The following ROBO1 variants were observed in gnomAD, a reference collection of about 807,000 sequenced individuals.
ROBO1 encodes roundabout guidance receptor 1.
In ROBO1, 149 loss-of-function variants were observed where a neutral mutation model predicts 195.9. The observed-to-expected ratio is 0.76, with a 90% CI of 0.67 to 0.87. The LOEUF (loss-of-function observed/expected upper bound fraction) is 0.87. ROBO1 is among the 40% of genes least tolerant of loss of function. The probability of loss-of-function intolerance (pLI) is 0.00; values close to 1 mark genes in which losing one functional copy is unlikely to be tolerated. For missense variants in ROBO1, 1,933 were observed against 2,068.3 expected, an observed-to-expected ratio of 0.93 and a Z score of 1.27; for synonymous variants, 816 against 733.2, an observed-to-expected ratio of 1.11 and a Z score of -1.82.
intron 2 of ROBO1, among the ~76,000 whole-genome samples, chr3:79,300,156 G>T (rs1006122515): frequency 9.2e-5 from 14 of 152,208 alleles, no homozygotes; most frequent in African/African-American, 3.4e-4. Flanking sequence ...CTGCAGTGTG[G>T]GAGCCCCTTC....
At chr3:79,100,006 A>C (rs2079646378) in intron 3 of ROBO1, among the ~76,000 whole-genome samples, 1 of 151,782 alleles carries the variant, frequency 6.6e-6, no homozygotes, top group Admixed American at 6.6e-5. Flanking sequence ...TATGAAGTCC[A>C]GGGTTAGCGG....
At position 79,351,260 on chromosome 3, in the gene ROBO1, T is replaced by C. The variant is rs2035330722; in HGVS notation, c.89-225721A>G. Among the ~76,000 whole-genome samples, 3 of 152,220 alleles carry C rather than the reference T, an allele frequency of 2.0e-5. No individual in the cohort carries two copies. In the South Asian group the frequency reaches 6.2e-4, roughly 31 times the overall value. On this transcript the variant is annotated intron_variant, in intron 2 of 30. Transcript: ENST00000464233. ...ATATATTATCTGACTTGGTCACAGA[T>C]AATCATGAGCAAAATAAACAACTTA...
rs1211120531 is a variant in ROBO1 at position 79,143,201 on chromosome 3, C to A, written c.89-17662G>T. On this transcript the variant is annotated intron_variant, in intron 2 of 30. Transcript: ENST00000464233. ...TGTTAAACCTTTATTTTTGGAATGG[C>A]TATTTGGGTGCTTAAATATGATTCT... 5.3e-5 allele frequency among the ~76,000 whole-genome samples: 8 copies of A among 152,096 alleles called. No homozygotes were observed. The East Asian group carries it at 1.5e-3, about 29-fold the overall frequency.
intron 2 of ROBO1, among the ~76,000 whole-genome samples, chr3:79,333,205 TAAA>T (rs72117935): frequency 7.7e-6 from 1 of 130,326 alleles, no homozygotes; most frequent in Non-Finnish European, 1.7e-5. Context: ...AGACTCTGTC[TAAA>T]AAAAAAAAAA....
chr3:78,838,157 A>G (rs1259051890), intron 4 of ROBO1, among the ~76,000 whole-genome samples: 1 of 152,182 alleles, frequency 6.6e-6, no homozygotes, highest in Non-Finnish European at 1.5e-5. Context: ...TTTAATTCAG[A>G]TTGATAAGAA....
intron 2 of ROBO1, among the ~76,000 whole-genome samples, chr3:79,180,747 A>G (rs2081327030): frequency 6.6e-6 from 1 of 152,210 alleles, no homozygotes; most frequent in Non-Finnish European, 1.5e-5. Context: ...AGTCAGTGTT[A>G]TGATGGGTCA....
At chr3:78,943,323 G>A (rs72906157) in intron 3 of ROBO1, among the ~76,000 whole-genome samples, 3,113 of 152,208 alleles carry the variant, frequency 0.02, 94 homozygotes, top group African/African-American at 0.071. Flanking sequence ...TCACCCAGGC[G>A]CCACTAAAGT....
intron 5 of ROBO1, among the ~76,000 whole-genome samples, chr3:78,743,042 G>A (rs1194176047): frequency 6.6e-6 from 1 of 152,048 alleles, no homozygotes; most frequent in Non-Finnish European, 1.5e-5. Context: ...AATGGTGAAT[G>A]TCACAAAAAA....
At position 79,163,908 on chromosome 3, in the gene ROBO1, G is replaced by A. The variant is rs988540669; in HGVS notation, c.89-38369C>T. ...TAAATCTTAGGAATATTGAAGGTGC[G>A]ATTTTCAGATTTCCACATTTTTACA... On this transcript the variant is annotated intron_variant, in intron 2 of 30. Transcript: ENST00000464233. 2.0e-5 allele frequency among the ~76,000 whole-genome samples: 3 copies of A among 152,138 alleles called. No individual in the cohort carries two copies. The East Asian group carries it at 5.8e-4, about 29-fold the overall frequency.
chr3:79,323,386 G>GTAA (rs1422005314), intron 2 of ROBO1, among the ~76,000 whole-genome samples: 1 of 152,062 alleles, frequency 6.6e-6, no homozygotes, highest in Non-Finnish European at 1.5e-5. Flanking sequence ...GGCCTAAACT[G>GTAA]TAACATTTTA....
At chr3:78,656,412 G>A (rs983883372) in intron 18 of ROBO1, among the ~76,000 whole-genome samples, 1 of 136,394 alleles carries the variant, frequency 7.3e-6, no homozygotes, top group Non-Finnish European at 1.5e-5. Context: ...GTGCAGTGGT[G>A]TAATCTCGAC....
intron 4 of ROBO1, among the ~76,000 whole-genome samples, chr3:78,927,844 A>G (rs754259020): frequency 1.3e-5 from 2 of 152,232 alleles, no homozygotes; most frequent in Non-Finnish European, 2.9e-5. Flanking sequence ...GTAACTATAC[A>G]TGGAATTAGT....
At chr3:79,733,413 A>T (rs1356890194) in intron 1 of ROBO1, among the ~76,000 whole-genome samples, 7 of 152,166 alleles carry the variant, frequency 4.6e-5, no homozygotes, top group African/African-American at 1.7e-4. Flanking sequence ...AGAAAAATTC[A>T]AATACTGAGT....
At chr3:78,748,056 C>A (rs902484649) in intron 4 of ROBO1, among the ~76,000 whole-genome samples, 56 of 152,242 alleles carry the variant, frequency 3.7e-4, no homozygotes, top group Admixed American at 1.2e-3. Context: ...AGAATGTGAA[C>A]CATTTTGGTA....
At chr3:79,274,716 T>G (rs1331820911) in intron 2 of ROBO1, among the ~76,000 whole-genome samples, 2 of 151,688 alleles carry the variant, frequency 1.3e-5, no homozygotes, top group Non-Finnish European at 2.9e-5. Context: ...CTATGAAAGA[T>G]CAATAAAATT....
chr3:79,610,581 T>C (rs1576113118), intron 1 of ROBO1, among the ~76,000 whole-genome samples: 1 of 152,026 alleles, frequency 6.6e-6, no homozygotes, highest in Non-Finnish European at 1.5e-5. Flanking sequence ...AAGTTTACAT[T>C]GAAGCTTCAT....
intron 2 of ROBO1, among the ~76,000 whole-genome samples, chr3:79,408,175 G>T (rs1414880943): frequency 6.6e-6 from 1 of 151,780 alleles, no homozygotes; most frequent in Non-Finnish European, 1.5e-5. Flanking sequence ...CTGAGATCAT[G>T]CCATTGCACT....
Position 78,688,779 on chromosome 3 carries a change from GA to G in ROBO1, c.1046-8del. ...ACAACAAAATGTGGAGGTTCTGAAG[GA>G]GGTGAAACAAATTACACCGAATTAA... On this transcript the variant is annotated splice_polypyrimidine_tract_variant and splice_region_variant and intron_variant, in intron 8 of 30. Coordinates refer to ENST00000464233, the MANE Select transcript of ROBO1 (RefSeq NM_002941.4). The G allele has an allele frequency of 3.1e-6, 5 of 1,604,952 alleles. No homozygotes were observed. The highest frequency in any genetic ancestry group is 4.3e-6 in the Non-Finnish European group (5 of 1,175,718).
chr3:79,099,326 A>T (rs2079631463), intron 3 of ROBO1, among the ~76,000 whole-genome samples: 1 of 151,802 alleles, frequency 6.6e-6, no homozygotes, highest in South Asian at 2.1e-4. Context: ...CAGAGGTGCA[A>T]ACAGTCTAGG....
Sources: gnomAD v4.1 joint callset for allele counts (sites outside exome capture counted in the v4.1 genomes callset) on GRCh38, gnomAD v4.1.1 for gene constraint, MANE v1.5 for transcripts, NCBI Gene and HGNC (gene_info 2026-07-23, HGNC 2026-07-21) for gene names.